DNAJA3: variants seen among roughly 807,000 people sequenced by gnomAD.
The protein encoded by DNAJA3 is DnaJ heat shock protein family (Hsp40) member A3.
In DNAJA3, 29 loss-of-function variants were observed where a neutral mutation model predicts 54.9. That is an observed-to-expected ratio of 0.53 (90% CI 0.39 to 0.72). The LOEUF (loss-of-function observed/expected upper bound fraction) is 0.72, where lower values mean the gene tolerates loss of function less well. Among genes scored for constraint, DNAJA3 ranks in the 30% least tolerant of loss-of-function variants. The pLI is 0.00. For missense variants in DNAJA3, 708 were observed against 639.4 expected (o/e 1.11, Z -1.16); for synonymous variants, 302 against 251.4 (o/e 1.20, Z -1.90).
chr16:4,454,626 TC>T (rs1896742474), intron 10 of DNAJA3, among the ~76,000 whole-genome samples, 184 bp from the exon 11 acceptor site: 1 of 152,240 alleles, frequency 6.6e-6, no homozygotes, highest in African/African-American at 2.4e-5. Context: ...CCTGTTCACC[TC>T]AGTCGTCTGC....
In DNAJA3 at chr16:4,434,487, C is replaced by G. The variant is rs1380312552; in HGVS notation, c.315C>G (p.Ser105Arg). The G allele has an allele frequency of 3.7e-6, 6 of 1,613,304 alleles. No individual in the cohort carries two copies. The East Asian group carries it at 1.3e-4, about 36-fold the overall frequency. Reference sequence around the variant, plus strand: ...TATTAGGAGTGCCTCGAAATGCCAGCCAGAAAGAGATCAAGAAAGCCTATT... The same window carrying G: ...TATTAGGAGTGCCTCGAAATGCCAGGCAGAAAGAGATCAAGAAAGCCTATT... ...YQILGVPRNA[S>R]QKEIKKAYYQ... Residue 105 changes from serine (S) to arginine (R), a missense_variant, in exon 2 of 12, where the codon AGC becomes AGG. Ser to Arg is a moderately radical substitution (Grantham distance 110). Transcript: ENST00000262375.
intron 9 of DNAJA3, chr16:4,449,751 A>G (rs1567334161): frequency 6.6e-6 from 1 of 151,646 alleles, no homozygotes. Flanking sequence ...GTGGGTACCT[A>G]GGGCGGGACA....
At chr16:4,439,598 T>G (rs1724757665) in intron 3 of DNAJA3, among the ~76,000 whole-genome samples, 1 of 152,212 alleles carries the variant, frequency 6.6e-6, no homozygotes, top group Admixed American at 6.6e-5. Flanking sequence ...GATCTGATGT[T>G]TCTGCCAGGG....
intron 1 of DNAJA3, 105 bp downstream of exon 1, chr16:4,426,197 T>G: frequency 8.1e-7 from 1 of 1,227,150 alleles, no homozygotes; most frequent in Non-Finnish European, 1.1e-6. Flanking sequence ...GAGGGTGTCT[T>G]CCGACGCGGA....
intron 7 of DNAJA3, among the ~76,000 whole-genome samples, 199 bp from the exon 8 acceptor site, chr16:4,446,687 A>C (rs1197907569): frequency 6.6e-6 from 1 of 152,202 alleles, no homozygotes; most frequent in Non-Finnish European, 1.5e-5. Flanking sequence ...GCAGTGTTGA[A>C]ATATGTAGAA....
At position 4,444,657 on chromosome 16, in the gene DNAJA3, C is replaced by CT; in HGVS notation, c.932-5dup. ...CCTAACTTCTCCCTTTCTAATGTCC[C>CT]TTGTAGGAGTCGAGGATGGCCAGAC... On this transcript the variant is annotated splice_region_variant and splice_polypyrimidine_tract_variant and intron_variant, in intron 6 of 11. Coordinates refer to ENST00000262375, the MANE Select transcript of DNAJA3 (RefSeq NM_005147.6). 1 of 1,613,904 alleles carries CT rather than the reference C, an allele frequency of 6.2e-7. No individual in the cohort carries two copies. The highest frequency in any genetic ancestry group is 8.5e-7 in the Non-Finnish European group (1 of 1,179,840).
chr16:4,452,411 T>C (rs2056989524), intron 10 of DNAJA3, among the ~76,000 whole-genome samples: 1 of 152,174 alleles, frequency 6.6e-6, no homozygotes, highest in Admixed American at 6.5e-5. Context: ...CTTACTCTGT[T>C]GGAGGTTGGG....
chr16:4,447,404 GC>G, intron 8 of DNAJA3: 1 of 176,362 alleles, frequency 5.7e-6, no homozygotes, highest in Non-Finnish European at 1.2e-5. Flanking sequence ...CCTGTGTGCT[GC>G]CAGCACCTGT....
rs1252635404 is a variant in DNAJA3, at chr16:4,456,456, C to G, written c.*924C>G. 6.6e-6 allele frequency: 1 copy of G among 152,644 alleles called. No homozygotes were observed. Among genetic ancestry groups the G allele is most frequent in the Non-Finnish European group, 1.5e-5 (1 of 68,036 alleles). 9.5% of individuals were successfully genotyped at this position (152,644 alleles called of 1,614,324 possible). On this transcript the variant is annotated 3_prime_UTR_variant, in exon 12 of 12. Coordinates refer to ENST00000262375, the MANE Select transcript of DNAJA3 (RefSeq NM_005147.6). ...TGTGTTTAAATTATTCAGTGCTAAT[C>G]ATTGTTTTTTCCTTTGTAAATGTTG...
intron 1 of DNAJA3, among the ~76,000 whole-genome samples, chr16:4,426,363 GCCGCTGCTC>G (rs1455782919): frequency 1.3e-5 from 2 of 152,204 alleles, no homozygotes; most frequent in African/African-American, 4.8e-5. Flanking sequence ...ATTTCTGGAG[GCCGCTGCTC>G]CCTCGTCCTC....
At chr16:4,441,354 T>C (rs910691447) in intron 3 of DNAJA3, 21 bp from the exon 4 acceptor site, 16 of 1,600,540 alleles carry the variant, frequency 1.0e-5, no homozygotes, top group Admixed American at 6.9e-5. Context: ...GGATGCCCAG[T>C]GGCTCTGCCT....
rs1491561083 is a variant in DNAJA3, at chr16:4,445,924, TTC to T, written c.997-960_997-959del. On this transcript the variant is annotated intron_variant, in intron 7 of 11. Coordinates refer to ENST00000262375, the MANE Select transcript of DNAJA3 (RefSeq NM_005147.6). Reference sequence around the variant, plus strand: ...TATATTATTTACTCTTCCCTTTTTTTTCTTTTTTTTTTCTGGAAAGAGAGTCT... The same window carrying T: ...TATATTATTTACTCTTCCCTTTTTTTTTTTTTTTTTCTGGAAAGAGAGTCT... Among the ~76,000 whole-genome samples, 23 of 149,564 alleles carry T rather than the reference TTC, an allele frequency of 1.5e-4. 1 individual carries two copies. Among genetic ancestry groups the T allele is most frequent in the South Asian group, 6.7e-4 (3 of 4,472 alleles).
intron 4 of DNAJA3, 43 bp from the exon 5 acceptor site, chr16:4,442,225 C>T (rs377727375): frequency 4.5e-5 from 69 of 1,526,494 alleles, no homozygotes; most frequent in Non-Finnish European, 5.2e-5. Context: ...CAGTTTTGGT[C>T]GTTGCAAACA....
In DNAJA3 at chr16:4,442,277, G is replaced by A; in HGVS notation, c.640G>A (p.Glu214Lys). 6.3e-7 allele frequency: 1 copy of A among 1,593,320 alleles called. No homozygotes were observed. Among genetic ancestry groups the A allele is most frequent in the Non-Finnish European group, 8.6e-7 (1 of 1,168,230 alleles). Residue 214 changes from glutamate to lysine, a missense_variant, in exon 5 of 12, where the codon GAG (glutamate) becomes AAG (lysine). Glu to Lys is a moderately conservative substitution (Grantham distance 56). Transcript: ENST00000262375. ...CCCTTGGTTTCTTTAGTACTTCATG[G>A]AGTTGACATTCAATCAAGCTGCAAA... Reference protein sequence around the residue: ...VFDQPQEYFMELTFNQAAKGV... With the variant: ...VFDQPQEYFMKLTFNQAAKGV...
intron 5 of DNAJA3, 139 bp downstream of exon 5, chr16:4,442,559 AC>A: frequency 9.4e-7 from 1 of 1,060,128 alleles, no homozygotes; most frequent in Non-Finnish European, 1.3e-6. Flanking sequence ...TTCCCCCGTG[AC>A]CCTGAGGAGA....
At chr16:4,454,112 A>T (rs771703696) in intron 10 of DNAJA3, among the ~76,000 whole-genome samples, 8 of 152,204 alleles carry the variant, frequency 5.3e-5, no homozygotes, top group Admixed American at 2.0e-4. Context: ...AATGGGGACA[A>T]CTTGCTCAGG....
At chr16:4,450,666 G>T (rs573642671) in intron 10 of DNAJA3, among the ~76,000 whole-genome samples, 169 bp downstream of exon 10, 1 of 152,180 alleles carries the variant, frequency 6.6e-6, no homozygotes, top group Admixed American at 6.5e-5. Context: ...GCAGGGAGCC[G>T]CAGCCCCCAG....
intron 7 of DNAJA3, 40 bp from the exon 8 acceptor site, chr16:4,446,846 T>A: frequency 1.2e-6 from 2 of 1,610,260 alleles, no homozygotes; most frequent in Non-Finnish European, 1.7e-6. Flanking sequence ...TAGTCTGCAG[T>A]GGACTTATCT....
At chr16:4,431,212 T>C (rs1001404489) in intron 1 of DNAJA3, 2 of 152,216 alleles carry the variant, frequency 1.3e-5, no homozygotes, top group African/African-American at 4.8e-5. Flanking sequence ...CCTTGTGGCA[T>C]TGGAATGAGT....
Sources: gnomAD v4.1 joint callset for allele counts (sites outside exome capture counted in the v4.1 genomes callset) on GRCh38, gnomAD v4.1.1 for gene constraint, MANE v1.5 for transcripts, NCBI Gene and HGNC (gene_info 2026-07-23, HGNC 2026-07-21) for gene names.